Variants in ADD3 observed in about 807,000 individuals in gnomAD.
The protein encoded by ADD3 is adducin 3.
ADD3 carries 25 observed loss-of-function variants against 80.2 expected under a neutral mutation model. That is an observed-to-expected ratio of 0.31 (90% CI 0.23 to 0.44). The LOEUF is 0.44. ADD3 is among the 20% of genes least tolerant of loss of function. The pLI is 1.00. For synonymous variants in ADD3, 284 were observed against 289.6 expected, an observed-to-expected ratio of 0.98 and a Z score of 0.20; for missense variants, 829 against 847.5, an observed-to-expected ratio of 0.98 and a Z score of 0.27.
intron 12 of ADD3, 59 bp from the exon 13 acceptor site, chr10:110,130,304 G>GGATA: frequency 1.3e-6 from 2 of 1,542,050 alleles, no homozygotes; most frequent in South Asian, 1.1e-5. Flanking sequence ...ATGGATGGAT[G>GGATA]GATAGATATA....
At chr10:110,101,493 G>A (rs1848805162) in intron 2 of ADD3, among the ~76,000 whole-genome samples, 1 of 151,854 alleles carries the variant, frequency 6.6e-6, no homozygotes, top group Non-Finnish European at 1.5e-5. Context: ...AAATTAACTG[G>A]GTGTGGTGGT....
At chr10:109,998,814 C>T (rs192368539) in intron 1 of ADD3, among the ~76,000 whole-genome samples, 38 of 152,312 alleles carry the variant, frequency 2.5e-4, no homozygotes, top group African/African-American at 8.7e-4. Flanking sequence ...ACACCTTCTT[C>T]ATCCATCCTA....
chr10:110,116,504 A>G (rs528266667), intron 4 of ADD3, 94 bp downstream of exon 4: 2 of 1,305,584 alleles, frequency 1.5e-6, no homozygotes, highest in South Asian at 1.4e-5. Context: ...CAGTTTTCAG[A>G]CTTATTCTCT....
chr10:110,027,033 C>T (rs1322875986), intron 1 of ADD3, among the ~76,000 whole-genome samples: 1 of 152,014 alleles, frequency 6.6e-6, no homozygotes, highest in Non-Finnish European at 1.5e-5. Flanking sequence ...AATGAAGATC[C>T]TAATATCTTG....
chr10:110,045,966 G>A (rs1165240186), intron 1 of ADD3, among the ~76,000 whole-genome samples: 2 of 152,148 alleles, frequency 1.3e-5, no homozygotes, highest in East Asian at 1.9e-4. Flanking sequence ...AGTAAATTGT[G>A]TATTTCAGTA....
In ADD3 at chr10:110,135,381, A is replaced by AT. The variant is rs1853526136; in HGVS notation, c.*1769dup. On this transcript the variant is annotated 3_prime_UTR_variant, in exon 15 of 15. Transcript: ENST00000356080. ...CTAAATGAATGCAATGTGCATAAAT[A>AT]TTTTTTAAACATAACAGTGAACTAT... is the stretch of plus-strand genomic sequence containing the variant. 6.6e-6 allele frequency: 1 copy of AT among 152,620 alleles called. No homozygotes were observed. Among genetic ancestry groups the AT allele is most frequent in the African/African-American group, 2.4e-5 (1 of 41,448 alleles). The allele number at this position is 152,620 out of a possible 1,614,324, so 9.5% of individuals were successfully genotyped here.
At position 110,065,539 on chromosome 10, in the gene ADD3, CTTTTTT is replaced by C. The variant is rs1217733559; in HGVS notation, c.-29-35073_-29-35068del. Among the ~76,000 whole-genome samples, 143 of 31,188 alleles carry C rather than the reference CTTTTTT, an allele frequency of 4.6e-3. 14 individuals carry two copies. The highest frequency in any genetic ancestry group is 0.014 in the Admixed American group (24 of 1,688). The allele number at this position is 31,188 out of a possible 152,430, so 20.5% of individuals were successfully genotyped here. Reference sequence around the variant, plus strand: ...TTTTTTCTTAGCCTCTCTCTCTCCCCTTTTTTTTTTTTTTTTTTGAGAAAGAATCTC... The same window carrying C: ...TTTTTTCTTAGCCTCTCTCTCTCCCCTTTTTTTTTTTTGAGAAAGAATCTC... On this transcript the variant is annotated intron_variant, in intron 1 of 14. Coordinates refer to ENST00000356080, the MANE Select transcript of ADD3 (RefSeq NM_016824.5).
intron 1 of ADD3, chr10:110,077,044 A>T (rs1028445631): frequency 6.6e-6 from 1 of 152,220 alleles, no homozygotes; most frequent in African/African-American, 2.4e-5. Context: ...AACAAAGTTC[A>T]TTGTTAGGGC....
At chr10:110,113,370 C>G (rs1027954431) in intron 3 of ADD3, among the ~76,000 whole-genome samples, 1 of 152,158 alleles carries the variant, frequency 6.6e-6, no homozygotes, top group South Asian at 2.1e-4. Context: ...CAGGTTCAAG[C>G]GATTCTCCTG....
intron 9 of ADD3, among the ~76,000 whole-genome samples, chr10:110,122,647 T>A (rs77821197): frequency 6.6e-6 from 1 of 151,616 alleles, no homozygotes; most frequent in Non-Finnish European, 1.5e-5. Flanking sequence ...TTTTTTTTTT[T>A]CTTGGAGGCA....
chr10:110,065,844 T>G (rs1589956136), intron 1 of ADD3, among the ~76,000 whole-genome samples: 1 of 151,866 alleles, frequency 6.6e-6, no homozygotes, highest in African/African-American at 2.4e-5. Context: ...CCGACCTCTT[T>G]TAGCCTCTCT....
At chr10:110,037,793 G>A (rs566417384) in intron 1 of ADD3, among the ~76,000 whole-genome samples, 5 of 151,118 alleles carry the variant, frequency 3.3e-5, no homozygotes, top group South Asian at 2.1e-4. Context: ...CAGGCTGGGC[G>A]CTGTGGCTCA....
chr10:110,056,866 T>G (rs986852498), intron 1 of ADD3, among the ~76,000 whole-genome samples: 2 of 152,192 alleles, frequency 1.3e-5, no homozygotes, highest in African/African-American at 2.4e-5. Flanking sequence ...AAAAACCCTT[T>G]CTTTTTATTG....
intron 1 of ADD3, among the ~76,000 whole-genome samples, chr10:110,063,499 C>T (rs980486347): frequency 2.0e-5 from 3 of 151,262 alleles, no homozygotes; most frequent in Non-Finnish European, 2.9e-5. Context: ...AAATTGGATA[C>T]GAAAATGCTT....
chr10:110,015,449 C>T (rs1852852805), intron 1 of ADD3, among the ~76,000 whole-genome samples: 1 of 150,484 alleles, frequency 6.6e-6, no homozygotes, highest in Non-Finnish European at 1.5e-5. Flanking sequence ...GATCTCGGCT[C>T]ACTGCAAGCT....
chr10:110,111,790 G>A (rs1850050769), intron 2 of ADD3, among the ~76,000 whole-genome samples: 1 of 152,050 alleles, frequency 6.6e-6, no homozygotes, highest in Non-Finnish European at 1.5e-5. Flanking sequence ...GCGCATGCCT[G>A]TAATCCCAGC....
chr10:110,048,070 G>A (rs749395391), intron 1 of ADD3, among the ~76,000 whole-genome samples: 21 of 152,114 alleles, frequency 1.4e-4, no homozygotes, highest in Admixed American at 2.6e-4. Context: ...TAGTTAAATC[G>A]TGGGGGCAGT....
chr10:110,016,681 C>A (rs1482463538), intron 1 of ADD3: 2 of 152,252 alleles, frequency 1.3e-5, no homozygotes, highest in East Asian at 3.9e-4. Flanking sequence ...CTTTTTGTCT[C>A]ATTTTGTAAG....
At chr10:110,063,771 ATATATATAT>A (rs1843553860) in intron 1 of ADD3, among the ~76,000 whole-genome samples, 2 of 96,062 alleles carry the variant, frequency 2.1e-5, no homozygotes, top group African/African-American at 6.8e-5. Context: ...ATATATATAT[ATATATATAT>A]ATAAAGTGAA....
Sources: allele counts gnomAD v4.1 joint callset (sites outside exome capture counted in the v4.1 genomes callset), GRCh38; gene constraint gnomAD v4.1.1; transcripts MANE v1.5; gene names NCBI Gene and HGNC (gene_info 2026-07-23, HGNC 2026-07-21).